The following TENM3 variants were observed in gnomAD, a reference collection of about 807,000 sequenced individuals.
TENM3 encodes teneurin transmembrane protein 3, also known as teneurin-3.
In TENM3, 63 loss-of-function variants were observed where a neutral mutation model predicts 255.1. The ratio of observed to expected loss-of-function variants is 0.25; its 90% CI spans 0.20 to 0.30. TENM3 has a LOEUF of 0.30. Among genes scored for constraint, TENM3 ranks in the 10% least tolerant of loss-of-function variants. The pLI, the probability that TENM3 is intolerant of heterozygous loss-of-function variation, is 1.00. For missense variants in TENM3, 2,929 were observed against 3,461.1 expected (o/e 0.85, Z 3.86); for synonymous variants, 1,306 against 1,322.3 (o/e 0.99, Z 0.27).
the TENM3 span, among the ~76,000 whole-genome samples, chr4:181,825,425 A>AAAC: frequency 3.7e-4 from 41 of 110,334 alleles, 4 homozygotes; most frequent in Non-Finnish European, 6.6e-4. Flanking sequence ...AAAAAAAAAA[A>AAAC]ACAGAGAATA....
chr4:181,674,904 A>AT, the TENM3 span, among the ~76,000 whole-genome samples: 1 of 152,194 alleles, frequency 6.6e-6, no homozygotes, highest in Non-Finnish European at 1.5e-5. Context: ...GCTATCACAT[A>AT]TTTTTTTCAC....
At chr4:182,729,281 G>GT in intron 14 of TENM3, 100 bp downstream of exon 14, 1 of 1,023,438 alleles carries the variant, frequency 9.8e-7, no homozygotes, top group East Asian at 2.4e-5. Context: ...GGAAAGTGCT[G>GT]TTTTTTAAAT....
At chr4:182,084,839 T>A in the TENM3 span, 1 of 152,150 alleles carries the variant, frequency 6.6e-6, no homozygotes, top group South Asian at 2.1e-4. Context: ...CACAAGGCAT[T>A]TATATCTAAC....
intron 12 of TENM3, among the ~76,000 whole-genome samples, chr4:182,704,425 T>C (rs1337055233): frequency 6.6e-6 from 1 of 152,226 alleles, no homozygotes; most frequent in Non-Finnish European, 1.5e-5. Context: ...CCAAATTCTG[T>C]TCTACCAGTC....
chr4:181,754,830 A>T, the TENM3 span, among the ~76,000 whole-genome samples: 1 of 152,188 alleles, frequency 6.6e-6, no homozygotes, highest in Non-Finnish European at 1.5e-5. Context: ...CTATTCCATT[A>T]TTAGTCATGA....
chr4:182,272,579 G>A lies in TENM3; in HGVS notation c.-76+29103G>A, dbSNP rs533676222. Among the ~76,000 whole-genome samples the A allele has an allele frequency of 7.9e-5, 12 of 152,300 alleles. No individual in the cohort carries two copies. The South Asian group carries it at 2.3e-3, about 29-fold the overall frequency. On this transcript the variant is annotated intron_variant, in intron 1 of 27. Transcript: ENST00000511685. ...CTTAGGCCACTGGTTTCCCGCAGAG[G>A]CAAGCTGTTGAATTACTACAGGGAA...
intron 1 of TENM3, among the ~76,000 whole-genome samples, chr4:182,312,664 C>T (rs986958422): frequency 1.3e-5 from 2 of 152,128 alleles, no homozygotes; most frequent in African/African-American, 4.8e-5. Flanking sequence ...CATGCCGAAG[C>T]GCAGGTGAAA....
chr4:181,485,072 G>A, the TENM3 span, among the ~76,000 whole-genome samples: 1 of 152,264 alleles, frequency 6.6e-6, no homozygotes, highest in African/African-American at 2.4e-5. Context: ...TTAATTGACA[G>A]CTGGAAGCGT....
At chr4:182,514,457 A>G (rs1737731455) in intron 3 of TENM3, among the ~76,000 whole-genome samples, 1 of 152,242 alleles carries the variant, frequency 6.6e-6, no homozygotes, top group Non-Finnish European at 1.5e-5. Context: ...AAAGACATCC[A>G]TGTAGAAATA....
At chr4:181,681,835 A>G in the TENM3 span, among the ~76,000 whole-genome samples, 2 of 152,120 alleles carry the variant, frequency 1.3e-5, no homozygotes, top group African/African-American at 4.8e-5. Context: ...TCAATTTGAA[A>G]TATGGCAATA....
chr4:181,480,653 T>C, the TENM3 span, among the ~76,000 whole-genome samples: 1 of 151,906 alleles, frequency 6.6e-6, no homozygotes, highest in East Asian at 1.9e-4. Flanking sequence ...ATGAAAGCTT[T>C]GTATATATGG....
At chr4:181,906,181 G>T in the TENM3 span, 1 of 246,738 alleles carries the variant, frequency 4.1e-6, no homozygotes. Context: ...CTATTAAGAA[G>T]TTCATCATCT....
the TENM3 span, among the ~76,000 whole-genome samples, chr4:181,878,448 T>C: frequency 2.0e-5 from 3 of 152,142 alleles, no homozygotes; most frequent in South Asian, 6.2e-4. Context: ...ATTAACCTAT[T>C]CGACTCTTTA....
At chr4:182,521,494 CT>C (rs1738568340) in intron 3 of TENM3, among the ~76,000 whole-genome samples, 1 of 152,182 alleles carries the variant, frequency 6.6e-6, no homozygotes, top group Non-Finnish European at 1.5e-5. Flanking sequence ...AGATAACTGT[CT>C]CCACAGGTTG....
the TENM3 span, among the ~76,000 whole-genome samples, chr4:181,644,075 CAAA>C: frequency 0.019 from 1,100 of 58,236 alleles, 19 homozygotes; most frequent in African/African-American, 0.069. Context: ...GACTCCATCT[CAAA>C]AAAAAAAAAA....
chr4:181,464,465 T>C, the TENM3 span, among the ~76,000 whole-genome samples: 4 of 152,188 alleles, frequency 2.6e-5, no homozygotes, highest in Non-Finnish European at 4.4e-5. Flanking sequence ...AAATGTCCAT[T>C]TAAACTCTTG....
chr4:182,786,642 C>T (rs1283439354), intron 24 of TENM3, among the ~76,000 whole-genome samples: 2 of 151,922 alleles, frequency 1.3e-5, no homozygotes, highest in Non-Finnish European at 2.9e-5. Context: ...CATATCCACT[C>T]TGTGGTCCAG....
chr4:181,796,565 C>G, the TENM3 span, among the ~76,000 whole-genome samples: 1 of 152,084 alleles, frequency 6.6e-6, no homozygotes, highest in Non-Finnish European at 1.5e-5. Context: ...GGGACATGAG[C>G]ATGTGCACTA....
chr4:182,136,356 A>C, the TENM3 span, among the ~76,000 whole-genome samples: 1 of 151,724 alleles, frequency 6.6e-6, no homozygotes, highest in Admixed American at 6.6e-5. Context: ...GAAGCATGCT[A>C]TTGTTGTTCT....
Sources: allele counts gnomAD v4.1 joint callset (sites outside exome capture counted in the v4.1 genomes callset), GRCh38; gene constraint gnomAD v4.1.1; transcripts MANE v1.5; gene names NCBI Gene and HGNC (gene_info 2026-07-23, HGNC 2026-07-21).